The following DNAJB4 variants were observed in gnomAD, a reference collection of about 807,000 sequenced individuals.
The protein encoded by DNAJB4 is dnaJ homolog subfamily B member 4.
A neutral mutation model predicts 26.6 loss-of-function variants in DNAJB4; 10 were observed. That is an observed-to-expected ratio of 0.38 (90% CI 0.23 to 0.64). The LOEUF is 0.64. Among genes scored for constraint, DNAJB4 ranks in the 30% least tolerant of loss-of-function variants. The pLI is 0.58. For synonymous variants in DNAJB4, 136 were observed against 134.8 expected, an observed-to-expected ratio of 1.01 and a Z score of -0.06; for missense variants, 328 against 408.2, an observed-to-expected ratio of 0.80 and a Z score of 1.69.
chr1:77,993,118 C>G (rs1199622540), intron 1 of DNAJB4, among the ~76,000 whole-genome samples: 1 of 152,140 alleles, frequency 6.6e-6, no homozygotes, highest in Admixed American at 6.5e-5. Flanking sequence ...AGACTTTGCT[C>G]TCCCTCCAGC....
intron 1 of DNAJB4, among the ~76,000 whole-genome samples, chr1:77,996,187 G>A (rs1035542958): frequency 1.3e-5 from 2 of 152,094 alleles, no homozygotes; most frequent in African/African-American, 4.8e-5. Flanking sequence ...GGGTCTTATT[G>A]TGTCACTCAG....
intron 1 of DNAJB4, among the ~76,000 whole-genome samples, chr1:77,992,517 G>A (rs577035790): frequency 6.6e-6 from 1 of 151,574 alleles, no homozygotes; most frequent in Admixed American, 6.6e-5. Context: ...GACCAGGACC[G>A]ATGAATTAGA....
At chr1:78,004,904 T>A, upstream of DNAJB4, 2 of 585,772 alleles carry the variant, frequency 3.4e-6, no homozygotes, top group Non-Finnish European at 6.1e-6. Flanking sequence ...GTCTCCTGTG[T>A]AGTGTATATT....
rs1660630589 is a variant in DNAJB4 at position 78,015,969 on chromosome 1, T to C, written c.781-45T>C. 5 of 1,523,834 alleles carry C rather than the reference T, an allele frequency of 3.3e-6. No individual in the cohort carries two copies. The East Asian group carries it at 1.2e-4, about 35-fold the overall frequency. 94.4% of individuals were successfully genotyped at this position (1,523,834 alleles called of 1,614,324 possible). A position where few individuals can be genotyped will look rare whatever the true frequency, so the allele number is the denominator to read the frequency against. On this transcript the variant is annotated intron_variant, in intron 2 of 2. Coordinates refer to ENST00000370763, the MANE Select transcript of DNAJB4 (RefSeq NM_007034.5). ...CTGGTAAAATTTGTGCTTAGATTTT[T>C]GAGTTTTGAAGTGTTTTCATTTTAT...
At chr1:77,996,266 G>A (rs1419891817) in intron 1 of DNAJB4, among the ~76,000 whole-genome samples, 1 of 152,042 alleles carries the variant, frequency 6.6e-6, no homozygotes, top group Non-Finnish European at 1.5e-5. Context: ...CCATCCCCCT[G>A]CCTGAGCCTC....
intron 1 of DNAJB4, among the ~76,000 whole-genome samples, chr1:77,983,671 G>T (rs1255131119): frequency 6.6e-6 from 1 of 152,182 alleles, no homozygotes; most frequent in Non-Finnish European, 1.5e-5. Flanking sequence ...ACTCTGAGTT[G>T]ACACAGCACA....
intron 1 of DNAJB4, among the ~76,000 whole-genome samples, chr1:77,998,133 G>GT (rs575624012): frequency 9.5e-4 from 144 of 152,164 alleles, no homozygotes; most frequent in African/African-American, 3.2e-3. Flanking sequence ...ACTTTTTATT[G>GT]TTTGTCTTCC....
chr1:77,990,879 A>G (rs1019419493), intron 1 of DNAJB4, among the ~76,000 whole-genome samples: 1 of 152,228 alleles, frequency 6.6e-6, no homozygotes, highest in African/African-American at 2.4e-5. Flanking sequence ...TCATTCATTC[A>G]GTAAAAGTTT....
intron 1 of DNAJB4, among the ~76,000 whole-genome samples, chr1:77,982,936 C>G (rs144074597): frequency 6.6e-6 from 1 of 152,178 alleles, no homozygotes; most frequent in African/African-American, 2.4e-5. Flanking sequence ...GGGTGTTTCT[C>G]GTAAGGTGGA....
chr1:77,982,455 C>T (rs1659675933), intron 1 of DNAJB4, among the ~76,000 whole-genome samples: 1 of 152,166 alleles, frequency 6.6e-6, no homozygotes, highest in African/African-American at 2.4e-5. Flanking sequence ...TGAAACTTAA[C>T]CTGACTAACC....
chr1:78,002,558 G>T (rs1210430758), upstream of DNAJB4, among the ~76,000 whole-genome samples: 6 of 152,158 alleles, frequency 3.9e-5, no homozygotes, highest in East Asian at 1.2e-3. Context: ...TAAATTCCAG[G>T]TGTGGTATTT....
chr1:78,004,478 G>A (rs923252429), upstream of DNAJB4: 6 of 152,102 alleles, frequency 3.9e-5, no homozygotes, highest in Non-Finnish European at 5.9e-5. Context: ...TAAATTACTT[G>A]GAAATCCTAA....
rs543398200 is a variant in DNAJB4 at position 78,016,972 on chromosome 1, T to A, written c.*725T>A. 2 of 152,138 alleles carry A rather than the reference T, an allele frequency of 1.3e-5. No individual in the cohort carries two copies. The highest frequency in any genetic ancestry group is 2.9e-5 in the Non-Finnish European group (2 of 67,952). 9.4% of individuals were successfully genotyped at this position (152,138 alleles called of 1,614,324 possible). A position where few individuals can be genotyped will look rare whatever the true frequency, so the allele number is the denominator to read the frequency against. ...AGTTGACTATATATCTTGTACTTAA[T>A]AAATTATAGGCTCATTTTGTTCTCT... On this transcript the variant is annotated 3_prime_UTR_variant, in exon 3 of 3. Transcript: ENST00000370763.
At chr1:78,004,854 A>G (rs1660288589), upstream of DNAJB4, 1 of 466,286 alleles carries the variant, frequency 2.1e-6, no homozygotes, top group South Asian at 2.6e-5. Flanking sequence ...TAGAAAGTAC[A>G]GAGACACGTA....
intron 2 of DNAJB4, among the ~76,000 whole-genome samples, chr1:78,014,493 A>G (rs1019964043): frequency 2.0e-5 from 3 of 152,144 alleles, no homozygotes; most frequent in Non-Finnish European, 4.4e-5. Context: ...ATTGCTCTAT[A>G]TAACCTCTAC....
chr1:78,002,770 G>C (rs1660222632), upstream of DNAJB4, among the ~76,000 whole-genome samples: 1 of 152,118 alleles, frequency 6.6e-6, no homozygotes, highest in South Asian at 2.1e-4. Context: ...AACTTGAAAT[G>C]TCAAAGTTGA....
At chr1:77,990,636 G>T (rs1659911024) in intron 1 of DNAJB4, among the ~76,000 whole-genome samples, 1 of 152,206 alleles carries the variant, frequency 6.6e-6, no homozygotes, top group African/African-American at 2.4e-5. Context: ...AGTAGAACTT[G>T]TCTTTACACT....
chr1:77,983,444 A>C (rs766193191), intron 1 of DNAJB4, among the ~76,000 whole-genome samples: 113 of 152,276 alleles, frequency 7.4e-4, no homozygotes, highest in Non-Finnish European at 1.5e-3. Flanking sequence ...GGGGGCGGTC[A>C]GGTCTTTCCC....
intron 1 of DNAJB4, among the ~76,000 whole-genome samples, chr1:77,990,044 A>G (rs973477143): frequency 6.6e-6 from 1 of 152,176 alleles, no homozygotes; most frequent in Non-Finnish European, 1.5e-5. Flanking sequence ...TGATTGATTT[A>G]AATCAACCCT....
Sources: gnomAD v4.1 joint callset for allele counts (sites outside exome capture counted in the v4.1 genomes callset) on GRCh38, gnomAD v4.1.1 for gene constraint, MANE v1.5 for transcripts, NCBI Gene and HGNC (gene_info 2026-07-23, HGNC 2026-07-21) for gene names.